The following CACNA2D1 variants were observed in gnomAD, a reference collection of about 807,000 sequenced individuals.
CACNA2D1 encodes calcium voltage-gated channel auxiliary subunit alpha2delta 1.
Under a neutral mutation model 171.5 loss-of-function variants are expected in CACNA2D1, and 53 were observed. The observed-to-expected ratio is 0.31, with a 90% CI of 0.25 to 0.39. The LOEUF (loss-of-function observed/expected upper bound fraction) is 0.39, where lower values mean the gene tolerates loss of function less well. Ranked by LOEUF, CACNA2D1 falls within the 10% of genes least tolerant of loss-of-function variation. CACNA2D1 has a pLI of 1.00. For synonymous variants in CACNA2D1, 442 were observed against 443.1 expected, an observed-to-expected ratio of 1.00 and a Z score of 0.03; for missense variants, 903 against 1,299.8, an observed-to-expected ratio of 0.69 and a Z score of 4.69.
At chr7:82,192,444 G>T (rs10239816) in intron 3 of CACNA2D1, among the ~76,000 whole-genome samples, 5,518 of 146,516 alleles carry the variant, frequency 0.038, 133 homozygotes, top group Middle Eastern at 0.14. Flanking sequence ...GTGTGTGTGT[G>T]TATGTGTGTT....
At chr7:82,136,734 C>T in intron 4 of CACNA2D1, 58 bp from the exon 5 acceptor site, 1 of 1,132,732 alleles carries the variant, frequency 8.8e-7, no homozygotes, top group South Asian at 1.4e-5. Context: ...GTATCAAATA[C>T]TGAATACATT....
intron 3 of CACNA2D1, among the ~76,000 whole-genome samples, chr7:82,273,257 T>C (rs1358611104): frequency 4.6e-5 from 7 of 151,756 alleles, no homozygotes; most frequent in African/African-American, 1.7e-4. Flanking sequence ...TAATATACCT[T>C]TTGATATAGC....
chr7:82,430,417 C>A (rs374893909), intron 1 of CACNA2D1, among the ~76,000 whole-genome samples: 204 of 129,420 alleles, frequency 1.6e-3, no homozygotes, highest in Admixed American at 1.8e-3. Flanking sequence ...GACTCCATCT[C>A]AAAAAAAAAA....
Position 82,050,613 on chromosome 7 carries a change from A to G in CACNA2D1, c.879+9815T>C, listed in dbSNP as rs778054379. On this transcript the variant is annotated intron_variant, in intron 10 of 38. Coordinates refer to ENST00000356860, the MANE Select transcript of CACNA2D1 (RefSeq NM_000722.4). ...TTGAAAATCTCTTCGGGAGAAGGAG[A>G]AATCTCTTTACTATCCTGGAATGCA... The G allele has an allele frequency of 1.1e-5, 8 of 702,838 alleles. No individual in the cohort carries two copies. The South Asian group carries it at 1.2e-4, about 10-fold the overall frequency. The allele number at this position is 702,838 out of a possible 1,614,324, so 43.5% of individuals were successfully genotyped here. A position where few individuals can be genotyped will look rare whatever the true frequency, so the allele number is the denominator to read the frequency against.
intron 21 of CACNA2D1, among the ~76,000 whole-genome samples, chr7:81,989,660 C>A (rs1287726378): frequency 6.6e-6 from 1 of 152,166 alleles, no homozygotes; most frequent in Admixed American, 6.5e-5. Flanking sequence ...GATATGTCAG[C>A]TAGTGAGCAT....
In CACNA2D1 at chr7:82,437,326, T is replaced by C. The variant is rs1405838151; in HGVS notation, c.95+6039A>G. Among the ~76,000 whole-genome samples, 5 of 152,108 alleles carry C rather than the reference T, an allele frequency of 3.3e-5. No homozygotes were observed. In the South Asian group the frequency reaches 1.0e-3, roughly 32 times the overall value. The stretch of plus-strand genomic sequence containing the variant: ...CATTTGCCAGAAGACCACCATAGCG[T>C]ATTTTTAATTACACAGAAAAAAAGA... On this transcript the variant is annotated intron_variant, in intron 1 of 38. Coordinates refer to ENST00000356860, the MANE Select transcript of CACNA2D1 (RefSeq NM_000722.4).
chr7:82,128,042 G>A (rs1291093698), intron 5 of CACNA2D1, among the ~76,000 whole-genome samples: 1 of 151,720 alleles, frequency 6.6e-6, no homozygotes, highest in Admixed American at 6.6e-5. Context: ...TCCCACCTCA[G>A]CCTCCCAAGT....
At chr7:81,958,668 A>C (rs1793728769) in intron 38 of CACNA2D1, among the ~76,000 whole-genome samples, 1 of 151,782 alleles carries the variant, frequency 6.6e-6, no homozygotes, top group African/African-American at 2.4e-5. Flanking sequence ...ACATATATTA[A>C]ATATGATTTG....
chr7:81,985,326 G>A (rs972775040), intron 21 of CACNA2D1, among the ~76,000 whole-genome samples: 5 of 146,912 alleles, frequency 3.4e-5, no homozygotes, highest in African/African-American at 5.1e-5. Context: ...CTCAGCCCCC[G>A]AAGTAGCTGG....
At chr7:82,212,314 T>C (rs559461082) in intron 3 of CACNA2D1, among the ~76,000 whole-genome samples, 2 of 152,334 alleles carry the variant, frequency 1.3e-5, no homozygotes, top group East Asian at 1.9e-4. Context: ...AGGTTAAGTG[T>C]ATTCCATGCA....
chr7:82,383,295 C>A (rs1188281572), intron 1 of CACNA2D1, among the ~76,000 whole-genome samples: 1 of 152,174 alleles, frequency 6.6e-6, no homozygotes. Flanking sequence ...ACTTTTCCAT[C>A]CCAAGGATGC....
chr7:82,050,817 TCAA>T (rs977053064), intron 10 of CACNA2D1: 2 of 542,982 alleles, frequency 3.7e-6, no homozygotes, highest in Admixed American at 3.1e-5. Context: ...CACTTGGTAC[TCAA>T]CAACATTTCA....
At chr7:82,269,987 T>C (rs957150634) in intron 3 of CACNA2D1, among the ~76,000 whole-genome samples, 2 of 152,136 alleles carry the variant, frequency 1.3e-5, no homozygotes, top group African/African-American at 2.4e-5. Flanking sequence ...GGCTGAGGCA[T>C]CTAAGATACA....
intron 23 of CACNA2D1, chr7:81,982,894 C>G: frequency 1.8e-6 from 1 of 547,884 alleles, no homozygotes; most frequent in Non-Finnish European, 3.2e-6. Context: ...TGATCTAACC[C>G]TACTATAACC....
chr7:82,329,655 A>G (rs760249996), intron 3 of CACNA2D1, among the ~76,000 whole-genome samples: 4 of 152,216 alleles, frequency 2.6e-5, no homozygotes, highest in Middle Eastern at 3.2e-3. Context: ...TTAAATGATT[A>G]TATCTTTTTT....
chr7:82,103,124 A>G (rs1184409610), intron 6 of CACNA2D1, among the ~76,000 whole-genome samples: 1 of 152,094 alleles, frequency 6.6e-6, no homozygotes, highest in Non-Finnish European at 1.5e-5. Context: ...CCTGGCCAAC[A>G]TGGTGAAACC....
At chr7:82,161,474 ATGT>A (rs1018431636) in intron 4 of CACNA2D1, among the ~76,000 whole-genome samples, 2 of 152,108 alleles carry the variant, frequency 1.3e-5, no homozygotes, top group East Asian at 1.9e-4. Flanking sequence ...CTGGGGAAAA[ATGT>A]TGTTAGTGGA....
At chr7:82,148,741 G>T (rs1460770434) in intron 4 of CACNA2D1, among the ~76,000 whole-genome samples, 1 of 152,068 alleles carries the variant, frequency 6.6e-6, no homozygotes, top group Non-Finnish European at 1.5e-5. Context: ...AGGTTCAAGT[G>T]ATTCTCCTGC....
At chr7:82,348,955 A>C (rs1819554516) in intron 2 of CACNA2D1, among the ~76,000 whole-genome samples, 1 of 152,162 alleles carries the variant, frequency 6.6e-6, no homozygotes, top group South Asian at 2.1e-4. Context: ...AATCTAGTTA[A>C]GATGCCATAC....
Sources: gnomAD v4.1 joint callset for allele counts (sites outside exome capture counted in the v4.1 genomes callset) on GRCh38, gnomAD v4.1.1 for gene constraint, MANE v1.5 for transcripts, NCBI Gene and HGNC (gene_info 2026-07-23, HGNC 2026-07-21) for gene names.